The following CST3 variants were observed in gnomAD, a reference collection of about 807,000 sequenced individuals.
CST3 encodes the protein cystatin-C.
Under a neutral mutation model 9.0 loss-of-function variants are expected in CST3, and 14 were observed. The ratio of observed to expected loss-of-function variants is 1.56; its 90% CI spans 1.03 to 2.44. The LOEUF (loss-of-function observed/expected upper bound fraction) is 2.44, where lower values mean the gene tolerates loss of function less well. CST3 is among the 30% of genes most tolerant of loss of function. The pLI, the probability that CST3 is intolerant of heterozygous loss-of-function variation, is 0.00. For synonymous variants in CST3, 96 were observed against 90.2 expected, an observed-to-expected ratio of 1.06 and a Z score of -0.37; for missense variants, 237 against 204.3, an observed-to-expected ratio of 1.16 and a Z score of -0.98.
intron 1 of CST3, among the ~76,000 whole-genome samples, chr20:23,637,270 C>A (rs1049162256): frequency 6.6e-6 from 1 of 152,234 alleles, no homozygotes; most frequent in Admixed American, 6.5e-5. Flanking sequence ...CCTTCTCCTG[C>A]GTATTCAGCA....
At position 23,633,816 on chromosome 20, in the gene CST3, A is replaced by T; in HGVS notation, c.*100T>A. The T allele has an allele frequency of 9.9e-7, 1 of 1,007,276 alleles. No individual in the cohort carries two copies. The allele number at this position is 1,007,276 out of a possible 1,614,324, so 62.4% of individuals were successfully genotyped here. On this transcript the variant is annotated 3_prime_UTR_variant, in exon 3 of 3. Coordinates refer to ENST00000376925, the MANE Select transcript of CST3 (RefSeq NM_000099.4). ...TCTCCTGGTGCAGGCACATGGGGAG[A>T]CCTTCCCCAAGGCAGGGGCCACCAG...
At position 23,637,528 on chromosome 20, in the gene CST3, C is replaced by G. The variant is rs570846862; in HGVS notation, c.243+92G>C. 6.5e-5 allele frequency: 81 copies of G among 1,253,164 alleles called. No individual in the cohort carries two copies. In the South Asian group the frequency reaches 1.3e-3, roughly 21 times the overall value. 77.6% of individuals were successfully genotyped at this position (1,253,164 alleles called of 1,614,324 possible). Reference sequence around the variant, plus strand: ...GGGTCCGGGTGAGAAGCCCAGGCGCCGGAGAGGAGCAGCACGGGGTCCGGG... The same window carrying G: ...GGGTCCGGGTGAGAAGCCCAGGCGCGGGAGAGGAGCAGCACGGGGTCCGGG... On this transcript the variant is annotated intron_variant, in intron 1 of 2. Transcript: ENST00000376925.
downstream of CST3, chr20:23,629,073 G>A (rs1290122427): frequency 6.6e-6 from 1 of 152,168 alleles, no homozygotes; most frequent in African/African-American, 2.4e-5. Context: ...GCCACACATA[G>A]GTCACGTGTT....
downstream of CST3, chr20:23,629,435 C>G (rs1330185917): frequency 6.6e-6 from 1 of 152,238 alleles, no homozygotes; most frequent in Admixed American, 6.5e-5. Flanking sequence ...TCAGGAAAGG[C>G]AGCATTTTCC....
At chr20:23,635,139 A>G (rs1179010176) in intron 2 of CST3, 115 bp downstream of exon 2, 1 of 919,374 alleles carries the variant, frequency 1.1e-6, no homozygotes. Context: ...CCACGTGTAC[A>G]CACACTCAGG....
downstream of CST3, among the ~76,000 whole-genome samples, chr20:23,630,770 G>GA (rs1979423612): frequency 7.6e-6 from 1 of 131,004 alleles, no homozygotes. Flanking sequence ...CCAAGGCAGA[G>GA]TTAAAAAAAA....
chr20:23,637,775 C>G lies in CST3; in HGVS notation c.88G>C (p.Gly30Arg), dbSNP rs200245337. Reference protein sequence around the residue: ...AVSPAAGSSPGKPPRLVGGPM... With the variant: ...AVSPAAGSSPRKPPRLVGGPM... ...CCTCCCACTAGGCGCGGCGGCTTGCCGGGACTGGAGCCGGCCGCGGGGCTC... is the reference window on the plus strand; with the variant it reads ...CCTCCCACTAGGCGCGGCGGCTTGCGGGGACTGGAGCCGGCCGCGGGGCTC... The change falls in exon 1 of 3, where the codon GGC becomes CGC. Residue 30 changes from glycine to arginine, a missense_variant. Coordinates refer to ENST00000376925, the MANE Select transcript of CST3 (RefSeq NM_000099.4). 6.5e-7 allele frequency: 1 copy of G among 1,529,270 alleles called. No individual in the cohort carries two copies. Among genetic ancestry groups the G allele is most frequent in the Non-Finnish European group, 8.8e-7 (1 of 1,139,352 alleles). The allele number at this position is 1,529,270 out of a possible 1,614,324, so 94.7% of individuals were successfully genotyped here.
downstream of CST3, chr20:23,633,567 T>C (rs1979530540): frequency 1.1e-5 from 5 of 457,584 alleles, no homozygotes; most frequent in South Asian, 1.1e-4. Flanking sequence ...TCCTCTCATC[T>C]TCACACCAGC....
Position 23,634,017 on chromosome 20 carries a change from G to A in CST3, c.358-18C>T. The A allele has an allele frequency of 1.9e-6, 3 of 1,605,940 alleles. No individual in the cohort carries two copies. Among genetic ancestry groups the A allele is most frequent in the Non-Finnish European group, 2.6e-6 (3 of 1,172,700 alleles). On this transcript the variant is annotated intron_variant, in intron 2 of 2. Coordinates refer to ENST00000376925, the MANE Select transcript of CST3 (RefSeq NM_000099.4). ...AATGCTTTCTGTGAAAGGAAACAGA[G>A]GGGACAATCAGTGTGGGTTACAGTT...
intron 1 of CST3, among the ~76,000 whole-genome samples, chr20:23,635,783 G>A (rs1057512706): frequency 6.6e-6 from 1 of 152,202 alleles, no homozygotes; most frequent in Non-Finnish European, 1.5e-5. Context: ...GAGATGAGAT[G>A]CTCACATACA....
downstream of CST3, among the ~76,000 whole-genome samples, chr20:23,631,240 T>C (rs1202199730): frequency 6.6e-6 from 1 of 152,152 alleles, no homozygotes; most frequent in African/African-American, 2.4e-5. Flanking sequence ...GAAACTGACC[T>C]ATGGTTATGG....
At chr20:23,629,705 G>C (rs916181593), downstream of CST3, among the ~76,000 whole-genome samples, 3 of 150,858 alleles carry the variant, frequency 2.0e-5, no homozygotes, top group African/African-American at 4.9e-5. Flanking sequence ...GCGAAGAGCA[G>C]GCAGGGGAAC....
chr20:23,635,354 A>G lies in CST3; in HGVS notation c.257T>C (p.Val86Ala). The change falls in exon 2 of 3, where the codon GTG becomes GCG. Residue 86 changes from valine (V) to alanine (A), a missense_variant. Val to Ala is a moderately conservative substitution (Grantham distance 64). Transcript: ENST00000376925. ...VRARKQIVAG[V>A]NYFLDVELGR... ...CAGCTCCACGTCCAAGAAGTAGTTC[A>G]CCCCAGCTACGATCTACACATGTGA... The G allele has an allele frequency of 1.3e-6, 2 of 1,532,000 alleles. No homozygotes were observed. Among genetic ancestry groups the G allele is most frequent in the Non-Finnish European group, 1.8e-6 (2 of 1,139,284 alleles). 94.9% of individuals were successfully genotyped at this position (1,532,000 alleles called of 1,614,324 possible).
At chr20:23,636,722 C>T (rs1199809758) in intron 1 of CST3, among the ~76,000 whole-genome samples, 1 of 152,184 alleles carries the variant, frequency 6.6e-6, no homozygotes, top group Non-Finnish European at 1.5e-5. Context: ...ACCTGCTAGA[C>T]CCTGGGAAAT....
At chr20:23,633,300 C>T (rs1979519100), downstream of CST3, among the ~76,000 whole-genome samples, 1 of 152,172 alleles carries the variant, frequency 6.6e-6, no homozygotes, top group Non-Finnish European at 1.5e-5. Context: ...GCGAGCTCCA[C>T]CGAGGCCTGG....
downstream of CST3, chr20:23,629,355 G>T (rs184495702): frequency 1.0e-3 from 159 of 152,334 alleles, 1 homozygote; most frequent in African/African-American, 3.7e-3. Context: ...AGCATGAGCT[G>T]CCCAGTCAGA....
At position 23,637,944 on chromosome 20, in the gene CST3, A is replaced by C; in HGVS notation, c.-82T>G. ...ATAGAGAGGACCCGCTGCGATACCG[A>C]GGCGAGGCCGTGAGCCCCGCGAGGC... On this transcript the variant is annotated 5_prime_UTR_variant, in exon 1 of 3. Coordinates refer to ENST00000376925, the MANE Select transcript of CST3 (RefSeq NM_000099.4). 8.4e-7 allele frequency: 1 copy of C among 1,188,212 alleles called. No homozygotes were observed. The highest frequency in any genetic ancestry group is 1.0e-6 in the Non-Finnish European group (1 of 954,986). The allele number at this position is 1,188,212 out of a possible 1,614,324, so 73.6% of individuals were successfully genotyped here. A position where few individuals can be genotyped will look rare whatever the true frequency, so the allele number is the denominator to read the frequency against.
At chr20:23,631,822 C>T (rs1979460509), downstream of CST3, 1 of 152,352 alleles carries the variant, frequency 6.6e-6, no homozygotes, top group East Asian at 1.9e-4. Flanking sequence ...AATGAAAAAG[C>T]CTCTCCAACT....
At chr20:23,637,461 C>A (rs534298049) in intron 1 of CST3, among the ~76,000 whole-genome samples, 159 bp downstream of exon 1, 2 of 152,306 alleles carry the variant, frequency 1.3e-5, no homozygotes, top group East Asian at 1.9e-4. Flanking sequence ...TTCCCGGACA[C>A]GCCCGCCAAG....
Sources: allele counts gnomAD v4.1 joint callset (sites outside exome capture counted in the v4.1 genomes callset), GRCh38; gene constraint gnomAD v4.1.1; transcripts MANE v1.5; gene names NCBI Gene and HGNC (gene_info 2026-07-23, HGNC 2026-07-21).